Variants in STON2 observed in about 807,000 individuals in gnomAD.
STON2 encodes the protein stonin 2.
STON2 carries 29 observed loss-of-function variants against 65.7 expected under a neutral mutation model. The ratio of observed to expected loss-of-function variants is 0.44; its 90% CI spans 0.33 to 0.60. The LOEUF is 0.60. STON2 is among the 20% of genes least tolerant of loss of function. The pLI, the probability that STON2 is intolerant of heterozygous loss-of-function variation, is 0.03. For synonymous variants in STON2, 404 were observed against 414.2 expected, an observed-to-expected ratio of 0.98 and a Z score of 0.30; for missense variants, 1,054 against 1,118.1, an observed-to-expected ratio of 0.94 and a Z score of 0.82.
intron 2 of STON2, among the ~76,000 whole-genome samples, chr14:81,423,794 C>T (rs965851695): frequency 5.9e-5 from 9 of 152,156 alleles, no homozygotes; most frequent in African/African-American, 1.9e-4. Flanking sequence ...AAGAAACCGA[C>T]GCATCCCAAG....
chr14:81,338,507 T>A (rs1897464077), intron 4 of STON2, among the ~76,000 whole-genome samples: 1 of 152,162 alleles, frequency 6.6e-6, no homozygotes, highest in Non-Finnish European at 1.5e-5. Context: ...TAAATATAAG[T>A]ACAGTGTTTC....
chr14:81,305,990 C>A lies in STON2; in HGVS notation c.742+18027G>T, dbSNP rs1896157446. Among the ~76,000 whole-genome samples the A allele has an allele frequency of 2.0e-5, 3 of 152,064 alleles. No homozygotes were observed. In the South Asian group the frequency reaches 6.2e-4, roughly 32 times the overall value. ...ACCAGCTATAACTCCTTGCCAGCGA[C>A]CCAAGAGCTGATCTAGCTCTGGCCT... On this transcript the variant is annotated intron_variant, in intron 5 of 7. Transcript: ENST00000614646.
intron 4 of STON2, among the ~76,000 whole-genome samples, chr14:81,364,549 C>T (rs79448004): frequency 1.3e-5 from 2 of 152,018 alleles, no homozygotes; most frequent in African/African-American, 2.4e-5. Context: ...CTGTACACCA[C>T]GATCTGACCA....
chr14:81,423,398 C>T (rs1901810043), intron 2 of STON2, among the ~76,000 whole-genome samples: 1 of 152,214 alleles, frequency 6.6e-6, no homozygotes, highest in South Asian at 2.1e-4. Context: ...ACACACTTCT[C>T]AAAGTCCTAG....
At chr14:81,414,785 A>C (rs1476599636) in intron 2 of STON2, among the ~76,000 whole-genome samples, 1 of 152,210 alleles carries the variant, frequency 6.6e-6, no homozygotes, top group Middle Eastern at 3.2e-3. Context: ...TGATTAAAAG[A>C]GTAATTATTA....
chr14:81,377,575 A>G (rs1481391666), intron 3 of STON2, among the ~76,000 whole-genome samples: 1 of 152,192 alleles, frequency 6.6e-6, no homozygotes, highest in Admixed American at 6.5e-5. Flanking sequence ...GTTTAGTTTT[A>G]TAAGAAACCA....
In STON2 at chr14:81,395,717, A is replaced by T. The variant is rs1900280807; in HGVS notation, c.373+177T>A. The T allele has an allele frequency of 1.1e-5, 7 of 642,260 alleles. No homozygotes were observed. In the Admixed American group the frequency reaches 2.0e-4, roughly 19 times the overall value. The allele number at this position is 642,260 out of a possible 1,614,324, so 39.8% of individuals were successfully genotyped here. A position where few individuals can be genotyped will look rare whatever the true frequency, so the allele number is the denominator to read the frequency against. On this transcript the variant is annotated intron_variant, in intron 3 of 7. Coordinates refer to ENST00000614646, the MANE Select transcript of STON2 (RefSeq NM_001394390.1). ...ATACATTCTTTTGTATGCTTATGTCAACAAAAACAAGTTACAGAATTAAAC... is the reference window on the plus strand; with the variant it reads ...ATACATTCTTTTGTATGCTTATGTCTACAAAAACAAGTTACAGAATTAAAC...
At chr14:81,293,013 T>C (rs1426700737) in intron 5 of STON2, among the ~76,000 whole-genome samples, 1 of 152,222 alleles carries the variant, frequency 6.6e-6, no homozygotes, top group Non-Finnish European at 1.5e-5. Flanking sequence ...TCATTGACTG[T>C]CAACCAAGGT....
chr14:81,284,319 A>C lies in STON2; in HGVS notation c.743-5580T>G, dbSNP rs1895249147. On this transcript the variant is annotated intron_variant, in intron 5 of 7. Coordinates refer to ENST00000614646, the MANE Select transcript of STON2 (RefSeq NM_001394390.1). ...GGCCAAAAGCTAGGCCTTCCATGCCAGTTAACCCAGTTGTGAATGCAAAGG... is the reference window on the plus strand; with the variant it reads ...GGCCAAAAGCTAGGCCTTCCATGCCCGTTAACCCAGTTGTGAATGCAAAGG... Among the ~76,000 whole-genome samples the C allele has an allele frequency of 1.3e-5, 2 of 152,224 alleles. 1 individual carries two copies. Among genetic ancestry groups the C allele is most frequent in the South Asian group, 4.1e-4 (2 of 4,834 alleles).
At chr14:81,352,825 T>G (rs1374945746) in intron 4 of STON2, among the ~76,000 whole-genome samples, 2 of 152,194 alleles carry the variant, frequency 1.3e-5, no homozygotes, top group Non-Finnish European at 2.9e-5. Context: ...AGTTTTTTAT[T>G]AAGAGCTTCC....
intron 1 of STON2, among the ~76,000 whole-genome samples, chr14:81,433,101 A>G (rs1902281931): frequency 6.6e-6 from 1 of 152,208 alleles, no homozygotes; most frequent in African/African-American, 2.4e-5. Context: ...TCGGATGCAC[A>G]CTAAAGTTTG....
chr14:81,302,249 C>A (rs1895996022), intron 5 of STON2, among the ~76,000 whole-genome samples: 1 of 152,214 alleles, frequency 6.6e-6, no homozygotes, highest in African/African-American at 2.4e-5. Context: ...CCCTATCTGT[C>A]TACAAATTTC....
At chr14:81,388,937 A>T (rs772306234) in intron 3 of STON2, among the ~76,000 whole-genome samples, 1 of 152,212 alleles carries the variant, frequency 6.6e-6, no homozygotes, top group Non-Finnish European at 1.5e-5. Flanking sequence ...AATTAAAACT[A>T]GGAAGAACAC....
chr14:81,267,707 G>A lies in STON2; in HGVS notation c.*707C>T. The A allele has an allele frequency of 1.0e-6, 1 of 985,388 alleles. No individual in the cohort carries two copies. Among genetic ancestry groups the A allele is most frequent in the Non-Finnish European group, 1.2e-6 (1 of 829,920 alleles). The allele number at this position is 985,388 out of a possible 1,614,324, so 61.0% of individuals were successfully genotyped here. A position where few individuals can be genotyped will look rare whatever the true frequency, so the allele number is the denominator to read the frequency against. Reference sequence around the variant, plus strand: ...CCCCTCAACACCCATTTTGCAGAATGTGGGTCCATTCACAAAATTAAAAAG... The same window carrying A: ...CCCCTCAACACCCATTTTGCAGAATATGGGTCCATTCACAAAATTAAAAAG... On this transcript the variant is annotated 3_prime_UTR_variant, in exon 8 of 8. Coordinates refer to ENST00000614646, the MANE Select transcript of STON2 (RefSeq NM_001394390.1).
chr14:81,262,195 C>T lies in STON2; in HGVS notation c.*6219G>A. 1 of 985,416 alleles carries T rather than the reference C, an allele frequency of 1.0e-6. No homozygotes were observed. Among genetic ancestry groups the T allele is most frequent in the African/African-American group, 1.7e-5 (1 of 57,366 alleles). The allele number at this position is 985,416 out of a possible 1,614,324, so 61.0% of individuals were successfully genotyped here. On this transcript the variant is annotated 3_prime_UTR_variant, in exon 8 of 8. Transcript: ENST00000614646. ...GCCCAATTGGGAAAACAGCAACTTACTTAACATAGTGATTGTCTCCATGGC... is the reference window on the plus strand; with the variant it reads ...GCCCAATTGGGAAAACAGCAACTTATTTAACATAGTGATTGTCTCCATGGC...
rs1320271915 is a variant in STON2 at position 81,265,814 on chromosome 14, G to A, written c.*2600C>T. 14 of 985,142 alleles carry A rather than the reference G, an allele frequency of 1.4e-5. No individual in the cohort carries two copies. The Admixed American group carries it at 8.6e-4, about 61-fold the overall frequency. The allele number at this position is 985,142 out of a possible 1,614,324, so 61.0% of individuals were successfully genotyped here. A position where few individuals can be genotyped will look rare whatever the true frequency, so the allele number is the denominator to read the frequency against. Reference sequence around the variant, plus strand: ...CAGGAAATGAGAATTTACCATGGGGGGCGGGGAAATAAGCTCCAACAAGCA... The same window carrying A: ...CAGGAAATGAGAATTTACCATGGGGAGCGGGGAAATAAGCTCCAACAAGCA... On this transcript the variant is annotated 3_prime_UTR_variant, in exon 8 of 8. Transcript: ENST00000614646.
At chr14:81,382,071 T>C (rs146332183) in intron 3 of STON2, among the ~76,000 whole-genome samples, 2,915 of 151,816 alleles carry the variant, frequency 0.019, 111 homozygotes, top group African/African-American at 0.068. Flanking sequence ...CACAAAAAAT[T>C]AGCCAGGTGT....
chr14:81,382,612 C>T (rs1899581960), intron 3 of STON2, among the ~76,000 whole-genome samples: 2 of 152,082 alleles, frequency 1.3e-5, no homozygotes, highest in South Asian at 2.1e-4. Flanking sequence ...GGGCCTCCGG[C>T]GATGACAATA....
chr14:81,383,261 T>C (rs184876595), intron 3 of STON2, among the ~76,000 whole-genome samples: 1 of 152,356 alleles, frequency 6.6e-6, no homozygotes, highest in East Asian at 1.9e-4. Context: ...CAAATCCATT[T>C]GTTCCTCCTT....
Sources: allele counts gnomAD v4.1 joint callset (sites outside exome capture counted in the v4.1 genomes callset), GRCh38; gene constraint gnomAD v4.1.1; transcripts MANE v1.5; gene names NCBI Gene and HGNC (gene_info 2026-07-23, HGNC 2026-07-21).